AKNAD1: variants seen among roughly 807,000 people sequenced by gnomAD.
AKNAD1 encodes protein AKNAD1.
Under a neutral mutation model 90.8 loss-of-function variants are expected in AKNAD1, and 67 were observed. That is an observed-to-expected ratio of 0.74 (90% CI 0.61 to 0.90). AKNAD1 has a LOEUF of 0.90. AKNAD1 is among the 40% of genes least tolerant of loss of function. The pLI, the probability that AKNAD1 is intolerant of heterozygous loss-of-function variation, is 0.00. For synonymous variants in AKNAD1, 327 were observed against 341.4 expected (o/e 0.96, Z 0.46); for missense variants, 957 against 975.4 (o/e 0.98, Z 0.25).
intron 6 of AKNAD1, 26 bp downstream of exon 6, chr1:108,843,108 C>T (rs1557834888): frequency 1.2e-6 from 2 of 1,612,454 alleles, no homozygotes; most frequent in Non-Finnish European, 8.5e-7. Flanking sequence ...GACCCTTCCA[C>T]CTTACACAGT....
At chr1:108,839,827 C>T (rs1310393957) in intron 6 of AKNAD1, among the ~76,000 whole-genome samples, 2 of 151,960 alleles carry the variant, frequency 1.3e-5, no homozygotes, top group African/African-American at 4.8e-5. Context: ...TCGAGACTAG[C>T]CTGGAAAACA....
intron 11 of AKNAD1, 113 bp downstream of exon 11, chr1:108,827,092 A>G: frequency 1.3e-6 from 1 of 741,122 alleles, no homozygotes. Flanking sequence ...GCAACATCCT[A>G]GTGTAGGGAA....
At chr1:108,841,060 C>A (rs1275252331) in intron 6 of AKNAD1, among the ~76,000 whole-genome samples, 1 of 152,038 alleles carries the variant, frequency 6.6e-6, no homozygotes, top group Non-Finnish European at 1.5e-5. Context: ...TTAATCCCAG[C>A]TATTCTGGAG....
intron 5 of AKNAD1, among the ~76,000 whole-genome samples, chr1:108,846,715 G>A (rs551167113): frequency 1.6e-4 from 24 of 151,974 alleles, no homozygotes; most frequent in African/African-American, 5.6e-4. Context: ...CCACTCCAGC[G>A]TCAACTCACA....
chr1:108,823,288 A>G (rs1663875920), intron 13 of AKNAD1, 82 bp downstream of exon 13: 1 of 1,082,254 alleles, frequency 9.2e-7, no homozygotes, highest in Non-Finnish European at 1.4e-6. Context: ...AGATGGAAGC[A>G]GTGGCCAGTG....
intron 13 of AKNAD1, among the ~76,000 whole-genome samples, chr1:108,822,850 C>T (rs1663862055): frequency 6.6e-6 from 1 of 152,146 alleles, no homozygotes; most frequent in Admixed American, 6.5e-5. Context: ...CTTTCAAGAG[C>T]TTGGGAAGGA....
intron 5 of AKNAD1, among the ~76,000 whole-genome samples, chr1:108,848,126 C>G (rs1168843746): frequency 2.6e-5 from 4 of 152,180 alleles, no homozygotes; most frequent in Non-Finnish European, 5.9e-5. Flanking sequence ...CTGACCTTAT[C>G]CCTTGTTGAT....
chr1:108,827,893 A>T (rs1024304494), intron 10 of AKNAD1, among the ~76,000 whole-genome samples: 1 of 151,620 alleles, frequency 6.6e-6, no homozygotes, highest in African/African-American at 2.4e-5. Flanking sequence ...TAATCATCAC[A>T]TACACATTCA....
intron 11 of AKNAD1, among the ~76,000 whole-genome samples, chr1:108,825,760 T>C (rs1332636498): frequency 6.6e-6 from 1 of 151,738 alleles, no homozygotes; most frequent in East Asian, 2.0e-4. Flanking sequence ...AGGCGCTTTT[T>C]TTTTAGAATT....
intron 2 of AKNAD1, among the ~76,000 whole-genome samples, chr1:108,849,966 AC>A (rs1350838310): frequency 3.9e-5 from 6 of 152,192 alleles, no homozygotes; most frequent in African/African-American, 1.4e-4. Context: ...CTAAAACTAG[AC>A]TATAAGTTTC....
chr1:108,823,614 T>C lies in AKNAD1; in HGVS notation c.2011A>G (p.Thr671Ala), dbSNP rs1557825516. The C allele has an allele frequency of 6.2e-7, 1 of 1,614,076 alleles. No individual in the cohort carries two copies. The highest frequency in any genetic ancestry group is 1.7e-5 in the Admixed American group (1 of 59,996). ...MQSNKCQDCG[T>A]KIPTSRRACR... is the part of the protein sequence containing the mutation. ...GCTCTTCGGGAGGTAGGAATCTTAG[T>C]GCCACAGTCCTGACATTTGTTACTC... Residue 671 changes from threonine to alanine, a missense_variant, in exon 12 of 16, where the codon ACT (threonine) becomes GCT (alanine). Coordinates refer to ENST00000370001, the MANE Select transcript of AKNAD1 (RefSeq NM_152763.5).
chr1:108,829,503 C>T (rs1664114102), intron 10 of AKNAD1, among the ~76,000 whole-genome samples: 1 of 152,198 alleles, frequency 6.6e-6, no homozygotes, highest in African/African-American at 2.4e-5. Flanking sequence ...TGGGATGACT[C>T]AGTGAGTAAG....
intron 13 of AKNAD1, among the ~76,000 whole-genome samples, chr1:108,822,616 A>C (rs1017653639): frequency 1.3e-5 from 2 of 152,160 alleles, no homozygotes; most frequent in South Asian, 4.2e-4. Flanking sequence ...GAAAGATAAG[A>C]AACATTCTCC....
In AKNAD1 at chr1:108,816,412, G is replaced by A. The variant is rs971981107; in HGVS notation, c.2380-110C>T. 3 of 1,194,430 alleles carry A rather than the reference G, an allele frequency of 2.5e-6. No individual in the cohort carries two copies. In the Admixed American group the frequency reaches 7.5e-5, roughly 30 times the overall value. The allele number at this position is 1,194,430 out of a possible 1,614,324, so 74.0% of individuals were successfully genotyped here. On this transcript the variant is annotated intron_variant, in intron 15 of 15. Coordinates refer to ENST00000370001, the MANE Select transcript of AKNAD1 (RefSeq NM_152763.5). Reference sequence around the variant, plus strand: ...AAGGTGGAATTTGGGGAGTATTCCTGTTTTCCTCTTGGTCTATTTCTGTTT... The same window carrying A: ...AAGGTGGAATTTGGGGAGTATTCCTATTTTCCTCTTGGTCTATTTCTGTTT...
chr1:108,826,253 A>G (rs1323319720), intron 11 of AKNAD1, among the ~76,000 whole-genome samples: 2 of 151,682 alleles, frequency 1.3e-5, no homozygotes, highest in Admixed American at 1.3e-4. Context: ...GGCAGTGCAG[A>G]TGTAAGAAAG....
At chr1:108,838,731 T>C (rs185793887) in intron 6 of AKNAD1, among the ~76,000 whole-genome samples, 4 of 151,676 alleles carry the variant, frequency 2.6e-5, no homozygotes, top group African/African-American at 9.7e-5. Flanking sequence ...AAAGGAAAAA[T>C]AGGAAAAATT....
At chr1:108,822,637 C>T (rs564777538) in intron 13 of AKNAD1, among the ~76,000 whole-genome samples, 2 of 152,280 alleles carry the variant, frequency 1.3e-5, no homozygotes, top group African/African-American at 4.8e-5. Context: ...CTGGTGCCCT[C>T]TCCCAGAGAA....
At position 108,828,618 on chromosome 1, in the gene AKNAD1, G is replaced by A. The variant is rs1017879854; in HGVS notation, c.1839-1316C>T. Among the ~76,000 whole-genome samples the A allele has an allele frequency of 4.0e-5, 6 of 151,854 alleles. No individual in the cohort carries two copies. In the South Asian group the frequency reaches 1.0e-3, roughly 27 times the overall value. On this transcript the variant is annotated intron_variant, in intron 10 of 15. Transcript: ENST00000370001. ...CGCTGTGCCCTGGCCTGCTGTTGGC[G>A]GAGAAGGGATGGGGCTGCGGGTTTG...
chr1:108,853,896 A>G (rs1347997812), intron 1 of AKNAD1, among the ~76,000 whole-genome samples: 1 of 152,030 alleles, frequency 6.6e-6, no homozygotes. Flanking sequence ...AGATCAAGCC[A>G]CTGCACTCCA....
Sources: gnomAD v4.1 joint callset for allele counts (sites outside exome capture counted in the v4.1 genomes callset) on GRCh38, gnomAD v4.1.1 for gene constraint, MANE v1.5 for transcripts, NCBI Gene and HGNC (gene_info 2026-07-23, HGNC 2026-07-21) for gene names.